The following SLC6A17 variants were observed in gnomAD, a reference collection of about 807,000 sequenced individuals.
SLC6A17 encodes the protein solute carrier family 6 member 17.
SLC6A17 carries 21 observed loss-of-function variants against 64.5 expected under a neutral mutation model. That is an observed-to-expected ratio of 0.33 (90% CI 0.23 to 0.47). The LOEUF (loss-of-function observed/expected upper bound fraction) is 0.47, where lower values mean the gene tolerates loss of function less well. Ranked by LOEUF, SLC6A17 falls within the 20% of genes least tolerant of loss-of-function variation. The probability of loss-of-function intolerance (pLI) is 1.00; values close to 1 mark genes in which losing one functional copy is unlikely to be tolerated. For synonymous variants in SLC6A17, 372 were observed against 399.5 expected, an observed-to-expected ratio of 0.93 and a Z score of 0.82; for missense variants, 682 against 963.2, an observed-to-expected ratio of 0.71 and a Z score of 3.86.
At chr1:110,187,123 A>AAAAAACAAAAAC (rs1553206857) in intron 6 of SLC6A17, among the ~76,000 whole-genome samples, 1 of 151,650 alleles carries the variant, frequency 6.6e-6, no homozygotes, top group African/African-American at 2.4e-5. Flanking sequence ...TCTTGTTAAA[A>AAAAAACAAAAAC]AAAAACAAAA....
chr1:110,181,555 A>T (rs990596831), intron 6 of SLC6A17, among the ~76,000 whole-genome samples: 1 of 152,230 alleles, frequency 6.6e-6, no homozygotes, highest in African/African-American at 2.4e-5. Context: ...AGGGAGACAG[A>T]TGTTGTCAGA....
intron 8 of SLC6A17, among the ~76,000 whole-genome samples, chr1:110,194,187 AGATCTGCAGTTCAGAAGTTCT>A (rs1239057303): frequency 6.6e-6 from 1 of 152,330 alleles, no homozygotes; most frequent in African/African-American, 2.4e-5. Flanking sequence ...CACTGCATGA[AGATCTGCAGTTCAGAAGTTCT>A]GAGCTGGGAG....
chr1:110,195,024 C>A, intron 9 of SLC6A17: 1 of 544,154 alleles, frequency 1.8e-6, no homozygotes, highest in Non-Finnish European at 3.3e-6. Context: ...GTTCACTTGC[C>A]CCTCTCCCCA....
At chr1:110,162,199 G>T (rs78036314) in intron 1 of SLC6A17, among the ~76,000 whole-genome samples, 3 of 152,164 alleles carry the variant, frequency 2.0e-5, no homozygotes, top group Admixed American at 6.5e-5. Context: ...CTAAGGGGGG[G>T]ATAATTAGAA....
At position 110,180,451 on chromosome 1, in the gene SLC6A17, G is replaced by T. The variant is rs1223217060; in HGVS notation, c.864+3712G>T. 2.6e-5 allele frequency among the ~76,000 whole-genome samples: 4 copies of T among 152,186 alleles called. No individual in the cohort carries two copies. In the South Asian group the frequency reaches 8.3e-4, roughly 32 times the overall value. On this transcript the variant is annotated intron_variant, in intron 6 of 11. Coordinates refer to ENST00000331565, the MANE Select transcript of SLC6A17 (RefSeq NM_001010898.4). ...TACACCCCATGGTTGAGCTGAGCTG[G>T]CTGAGAAGGAAGCTCTGGGGGGCTC...
At chr1:110,179,610 A>G (rs1342685725) in intron 6 of SLC6A17, among the ~76,000 whole-genome samples, 3 of 138,728 alleles carry the variant, frequency 2.2e-5, no homozygotes, top group Admixed American at 8.3e-5. Context: ...CTGAAGTGCA[A>G]TGGCACGATC....
chr1:110,159,923 C>G (rs1655863644), intron 1 of SLC6A17, among the ~76,000 whole-genome samples: 1 of 152,130 alleles, frequency 6.6e-6, no homozygotes, highest in Non-Finnish European at 1.5e-5. Context: ...ATTTATCATG[C>G]TCATATTATG....
At chr1:110,171,814 A>T (rs1007692) in intron 2 of SLC6A17, among the ~76,000 whole-genome samples, 45,443 of 151,884 alleles carry the variant, frequency 0.3, 8,370 homozygotes, top group Non-Finnish European at 0.4. Flanking sequence ...GTGAGTTGAC[A>T]TACATACACT....
intron 2 of SLC6A17, among the ~76,000 whole-genome samples, chr1:110,168,552 G>T (rs1005916946): frequency 6.6e-6 from 1 of 152,204 alleles, no homozygotes; most frequent in South Asian, 2.1e-4. Flanking sequence ...GTCAATCAGA[G>T]CTTGTGGCCT....
At position 110,166,934 on chromosome 1, in the gene SLC6A17, C is replaced by A; in HGVS notation, c.5C>A (p.Pro2Gln). The change falls in exon 2 of 12, where the codon CCG becomes CAG. Residue 2 changes from proline (P) to glutamine (Q), a missense_variant. This residue lies in a region of SLC6A17 where 415 missense variants were observed against 603.8 expected (regional missense o/e 0.69). Transcript: ENST00000331565. MPKNSKVTQREH... is the reference protein window; with the variant it reads MQKNSKVTQREH... ...TACACGGCCCAGGTGGCATCAATGC[C>A]GAAGAACAGCAAAGTGACCCAGCGT... 2 of 1,605,494 alleles carry A rather than the reference C, an allele frequency of 1.2e-6. No individual in the cohort carries two copies. Among genetic ancestry groups the A allele is most frequent in the South Asian group, 1.1e-5 (1 of 90,358 alleles).
At chr1:110,173,904 C>A in intron 3 of SLC6A17, 69 bp from the exon 4 acceptor site, 12 of 1,529,094 alleles carry the variant, frequency 7.8e-6, no homozygotes, top group South Asian at 4.0e-5. Flanking sequence ...TGCTGGGCCT[C>A]GGGTGGAGCG....
At chr1:110,165,314 G>A (rs1557831283) in intron 1 of SLC6A17, among the ~76,000 whole-genome samples, 1 of 152,156 alleles carries the variant, frequency 6.6e-6, no homozygotes. Flanking sequence ...GCCACCCGTG[G>A]GGCACCTTTT....
At position 110,198,595 on chromosome 1, in the gene SLC6A17, C is replaced by T; in HGVS notation, c.*151C>T. On this transcript the variant is annotated 3_prime_UTR_variant, in exon 12 of 12. Coordinates refer to ENST00000331565, the MANE Select transcript of SLC6A17 (RefSeq NM_001010898.4). Reference sequence around the variant, plus strand: ...CCCTGCCTCACTCCCCTCTTCAGTCCCAGTAGACTCTGCTCCCTAGCCCTG... The same window carrying T: ...CCCTGCCTCACTCCCCTCTTCAGTCTCAGTAGACTCTGCTCCCTAGCCCTG... 1 of 1,306,612 alleles carries T rather than the reference C, an allele frequency of 7.7e-7. No homozygotes were observed. Among genetic ancestry groups the T allele is most frequent in the Non-Finnish European group, 1.0e-6 (1 of 965,956 alleles). The allele number at this position is 1,306,612 out of a possible 1,614,324, so 80.9% of individuals were successfully genotyped here.
chr1:110,168,948 T>A (rs1172696424), intron 2 of SLC6A17, among the ~76,000 whole-genome samples: 1 of 152,264 alleles, frequency 6.6e-6, no homozygotes, highest in Non-Finnish European at 1.5e-5. Flanking sequence ...TCCACATTCC[T>A]GCCTTCCTTT....
intron 1 of SLC6A17, among the ~76,000 whole-genome samples, chr1:110,159,896 C>G (rs765062159): frequency 6.6e-6 from 1 of 152,184 alleles, no homozygotes. Flanking sequence ...TGCACTCATT[C>G]AATTCCATCA....
rs556303508 is a variant in SLC6A17 at position 110,184,166 on chromosome 1, A to G, written c.864+7427A>G. On this transcript the variant is annotated intron_variant, in intron 6 of 11. Coordinates refer to ENST00000331565, the MANE Select transcript of SLC6A17 (RefSeq NM_001010898.4). ...CGCTCTGTTGCCCAGGCCAGAGTGC[A>G]GTGGCGTGATCTTGGCTCACTGCAA... 1.1e-4 allele frequency among the ~76,000 whole-genome samples: 16 copies of G among 152,226 alleles called. No homozygotes were observed. In the South Asian group the frequency reaches 3.3e-3, roughly 32 times the overall value.
At chr1:110,160,887 A>G (rs1655888948) in intron 1 of SLC6A17, among the ~76,000 whole-genome samples, 1 of 151,800 alleles carries the variant, frequency 6.6e-6, no homozygotes, top group South Asian at 2.1e-4. Flanking sequence ...ACTGAAGGCA[A>G]TGTGTAGGAT....
chr1:110,188,517 G>T (rs554183079), intron 6 of SLC6A17, among the ~76,000 whole-genome samples: 2 of 152,228 alleles, frequency 1.3e-5, no homozygotes, highest in Admixed American at 6.5e-5. Flanking sequence ...AACAGAAGCT[G>T]CCAAGAAACT....
At chr1:110,189,579 C>G (rs1656774298) in intron 6 of SLC6A17, among the ~76,000 whole-genome samples, 1 of 152,154 alleles carries the variant, frequency 6.6e-6, no homozygotes, top group South Asian at 2.1e-4. Context: ...TCTTTAAACC[C>G]CTCGGTGGCT....
Sources: gnomAD v4.1 joint callset for allele counts (sites outside exome capture counted in the v4.1 genomes callset) on GRCh38, gnomAD v4.1.1 for gene constraint, gnomAD v4.1.1 regional missense constraint, MANE v1.5 for transcripts, NCBI Gene and HGNC (gene_info 2026-07-23, HGNC 2026-07-21) for gene names.